Variants in EYA3 observed in about 807,000 individuals in gnomAD.
EYA3 encodes the protein protein phosphatase EYA3.
Under a neutral mutation model 80.0 loss-of-function variants are expected in EYA3, and 39 were observed. That is an observed-to-expected ratio of 0.49 (90% CI 0.38 to 0.64). The LOEUF (loss-of-function observed/expected upper bound fraction) is 0.64, where lower values mean the gene tolerates loss of function less well. EYA3 is among the 30% of genes least tolerant of loss of function. EYA3 has a pLI of 0.00. For synonymous variants in EYA3, 206 were observed against 232.8 expected (o/e 0.88, Z 1.05); for missense variants, 523 against 676.1 (o/e 0.77, Z 2.51).
intron 2 of EYA3, among the ~76,000 whole-genome samples, chr1:28,056,291 G>A (rs534145016): frequency 3.3e-4 from 50 of 151,598 alleles, no homozygotes; most frequent in Non-Finnish European, 5.2e-4. Flanking sequence ...CACAAAGCCT[G>A]AAGAATTATT....
rs545692679 is a variant in EYA3 at position 28,001,819 on chromosome 1, C to T, written c.994-1770G>A. Among the ~76,000 whole-genome samples, 4 of 150,568 alleles carry T rather than the reference C, an allele frequency of 2.7e-5. No individual in the cohort carries two copies. In the South Asian group the frequency reaches 8.4e-4, roughly 32 times the overall value. On this transcript the variant is annotated intron_variant, in intron 11 of 17. Coordinates refer to ENST00000373871, the MANE Select transcript of EYA3 (RefSeq NM_001990.4). ...GATCTCGGCTCACTGCAACCTCCACCTCCCAGGTTCAAGTGATCCTCCTGC... is the reference window on the plus strand; with the variant it reads ...GATCTCGGCTCACTGCAACCTCCACTTCCCAGGTTCAAGTGATCCTCCTGC...
At chr1:28,061,661 G>C (rs1051423847) in intron 1 of EYA3, among the ~76,000 whole-genome samples, 1 of 151,550 alleles carries the variant, frequency 6.6e-6, no homozygotes, top group African/African-American at 2.4e-5. Flanking sequence ...GTGCAGTGGC[G>C]CGATCTCAGC....
chr1:28,060,856 A>G (rs917743904), intron 1 of EYA3, among the ~76,000 whole-genome samples: 3 of 152,160 alleles, frequency 2.0e-5, no homozygotes, highest in African/African-American at 2.4e-5. Flanking sequence ...TCTACTAAAA[A>G]TACAAAAATT....
rs754217004 is a variant in EYA3 at position 27,978,545 on chromosome 1, G to A, written c.1541-71C>T. On this transcript the variant is annotated intron_variant, in intron 16 of 17. Coordinates refer to ENST00000373871, the MANE Select transcript of EYA3 (RefSeq NM_001990.4). Reference sequence around the variant, plus strand: ...TTCAAAACCAAAGAAGAGGGCTGCTGCTAGGTTCACCTGCCTGTGCTTAGG... The same window carrying A: ...TTCAAAACCAAAGAAGAGGGCTGCTACTAGGTTCACCTGCCTGTGCTTAGG... The A allele has an allele frequency of 3.0e-6, 4 of 1,322,626 alleles. No individual in the cohort carries two copies. The South Asian group carries it at 4.8e-5, about 16-fold the overall frequency. 81.9% of individuals were successfully genotyped at this position (1,322,626 alleles called of 1,614,324 possible). A position where few individuals can be genotyped will look rare whatever the true frequency, so the allele number is the denominator to read the frequency against.
intron 7 of EYA3, among the ~76,000 whole-genome samples, chr1:28,017,544 A>G (rs1035925512): frequency 6.6e-6 from 1 of 152,206 alleles, no homozygotes; most frequent in Non-Finnish European, 1.5e-5. Context: ...GCTAAATCCA[A>G]TTCCTCCAGC....
intron 10 of EYA3, among the ~76,000 whole-genome samples, chr1:28,008,051 CGA>C (rs1641421580): frequency 6.6e-6 from 1 of 152,006 alleles, no homozygotes; most frequent in South Asian, 2.1e-4. Context: ...TGAAATAAAC[CGA>C]GAGTCTAAAA....
chr1:28,037,303 T>C (rs567866770), intron 5 of EYA3, among the ~76,000 whole-genome samples: 7 of 152,344 alleles, frequency 4.6e-5, no homozygotes, highest in Admixed American at 1.3e-4. Flanking sequence ...AGATAGCTAA[T>C]AAGGAATTCT....
chr1:27,989,699 G>T lies in EYA3; in HGVS notation c.1416C>A (p.Ser472=). 1 of 1,595,212 alleles carries T rather than the reference G, an allele frequency of 6.3e-7. No homozygotes were observed. The highest frequency in any genetic ancestry group is 8.6e-7 in the Non-Finnish European group (1 of 1,165,486). Residue 472 remains serine (S), a splice_region_variant and synonymous_variant, in exon 15 of 18, where the codon TCC becomes TCA. Transcript: ENST00000373871. ...TALKSLLLIQ[S]RKNCVNVLIT... is the part of the protein sequence containing the mutation. ...ACCTAAAAGAACCATTTCCATACCT[G>T]GACTGGATGAGAAGTAAGGACTTTA...
At chr1:28,002,875 C>G (rs1640973960) in intron 11 of EYA3, among the ~76,000 whole-genome samples, 1 of 151,786 alleles carries the variant, frequency 6.6e-6, no homozygotes. Flanking sequence ...AATCCCAGCA[C>G]TTTGGAAGAC....
chr1:28,080,208 G>A (rs1018094018), intron 1 of EYA3, among the ~76,000 whole-genome samples: 4 of 152,064 alleles, frequency 2.6e-5, no homozygotes, highest in African/African-American at 9.7e-5. Flanking sequence ...ACTTTGGGAG[G>A]CTGAGGCAGG....
chr1:28,039,635 T>G (rs1352581611), intron 4 of EYA3, among the ~76,000 whole-genome samples: 1 of 152,134 alleles, frequency 6.6e-6, no homozygotes, highest in Non-Finnish European at 1.5e-5. Flanking sequence ...AATATCTGAT[T>G]AAAAGTGAAC....
At chr1:28,056,348 C>A (rs577238663) in intron 2 of EYA3, among the ~76,000 whole-genome samples, 1 of 152,306 alleles carries the variant, frequency 6.6e-6, no homozygotes, top group East Asian at 1.9e-4. Flanking sequence ...CTTGCTTTTC[C>A]TGTGGAAACC....
intron 1 of EYA3, among the ~76,000 whole-genome samples, chr1:28,077,781 C>T (rs932960332): frequency 6.6e-6 from 1 of 152,202 alleles, no homozygotes; most frequent in Non-Finnish European, 1.5e-5. Context: ...CTGAGAATCA[C>T]AACATGAATA....
intron 7 of EYA3, among the ~76,000 whole-genome samples, chr1:28,020,003 C>T (rs998941743): frequency 2.6e-5 from 4 of 152,192 alleles, no homozygotes; most frequent in African/African-American, 4.8e-5. Flanking sequence ...CGCCCGGCTA[C>T]TTCTCCATAA....
chr1:28,065,031 G>A (rs1037047640), intron 1 of EYA3, among the ~76,000 whole-genome samples: 2 of 152,210 alleles, frequency 1.3e-5, no homozygotes, highest in African/African-American at 4.8e-5. Context: ...ATTGTATACA[G>A]TAGTCTCCCC....
At chr1:28,042,451 T>C in intron 4 of EYA3, 120 bp downstream of exon 4, 2 of 765,554 alleles carry the variant, frequency 2.6e-6, no homozygotes, top group Admixed American at 4.6e-5. Context: ...AAAACAAGGA[T>C]GGGAGAGCCT....
chr1:28,040,343 G>T (rs1194594866), intron 4 of EYA3, among the ~76,000 whole-genome samples: 2 of 152,120 alleles, frequency 1.3e-5, no homozygotes, highest in Non-Finnish European at 2.9e-5. Context: ...TGTATGTCAC[G>T]GGGGCTAAAG....
At chr1:28,035,803 A>C in intron 5 of EYA3, 123 bp from the exon 6 acceptor site, 1 of 938,896 alleles carries the variant, frequency 1.1e-6, no homozygotes, top group Non-Finnish European at 1.6e-6. Context: ...TTCCACATAA[A>C]ATGGCTCTTT....
intron 8 of EYA3, among the ~76,000 whole-genome samples, chr1:28,016,266 A>G (rs6598918): frequency 0.26 from 39,638 of 152,008 alleles, 5,230 homozygotes; most frequent in Non-Finnish European, 0.28. Flanking sequence ...GGTGGCTCAC[A>G]CCTGTAATCC....
Sources: allele counts gnomAD v4.1 joint callset (sites outside exome capture counted in the v4.1 genomes callset), GRCh38; gene constraint gnomAD v4.1.1; transcripts MANE v1.5; gene names NCBI Gene and HGNC (gene_info 2026-07-23, HGNC 2026-07-21).